POLA1: variants seen among roughly 807,000 people sequenced by gnomAD.
POLA1 encodes DNA polymerase alpha 1, catalytic subunit.
Under a neutral mutation model 124.0 loss-of-function variants are expected in POLA1, and 15 were observed. That is an observed-to-expected ratio of 0.12 (90% CI 0.08 to 0.19). The LOEUF is 0.19. Among genes scored for constraint, POLA1 ranks in the 10% least tolerant of loss-of-function variants. POLA1 has a pLI of 1.00. For missense variants in POLA1, 886 were observed against 1,103.4 expected, an observed-to-expected ratio of 0.80 and a Z score of 2.79; for synonymous variants, 408 against 389.4, an observed-to-expected ratio of 1.05 and a Z score of -0.56.
At chrX:24,710,109 G>C (rs1399153490) in intron 4 of POLA1, among the ~76,000 whole-genome samples, 1 of 76,991 alleles carries the variant, frequency 1.3e-5, no homozygotes, top group Non-Finnish European at 2.6e-5. Context: ...GGCGGCGCTC[G>C]CCGGCGCCTT....
intron 36 of POLA1, among the ~76,000 whole-genome samples, chrX:24,964,492 C>T (rs2048201552): frequency 8.9e-6 from 1 of 112,777 alleles, no homozygotes; most frequent in African/African-American, 3.2e-5. Context: ...TACTGCCTTG[C>T]GCAGAGCACA....
chrX:24,976,119 T>G (rs1005091058), intron 36 of POLA1, among the ~76,000 whole-genome samples: 27 of 112,351 alleles, frequency 2.4e-4, no homozygotes, highest in Non-Finnish European at 4.7e-4. Context: ...TTTATTTGTT[T>G]TACCTATTTA....
intron 34 of POLA1, among the ~76,000 whole-genome samples, chrX:24,873,322 A>G (rs758246349): frequency 8.9e-6 from 1 of 112,024 alleles, no homozygotes; most frequent in Non-Finnish European, 1.9e-5. Context: ...AAGATTGTAA[A>G]TGAACATACC....
At chrX:24,717,225 G>T in intron 8 of POLA1, 65 bp from the exon 9 acceptor site, 3 of 924,508 alleles carry the variant, frequency 3.2e-6, no homozygotes, top group Non-Finnish European at 4.6e-6. Flanking sequence ...GCGCCTTTGT[G>T]TGCCTTTGTG....
At chrX:24,861,757 G>A (rs374112029) in intron 34 of POLA1, among the ~76,000 whole-genome samples, 5 of 112,144 alleles carry the variant, frequency 4.5e-5, no homozygotes, top group African/African-American at 6.5e-5. Flanking sequence ...ATGTCTAACC[G>A]TTACCTAACC....
At chrX:24,951,343 A>ACCCCCCCC (rs57038936) in intron 36 of POLA1, among the ~76,000 whole-genome samples, 12 of 40,938 alleles carry the variant, frequency 2.9e-4, no homozygotes, top group Non-Finnish European at 5.1e-4. Context: ...ACACCTCCCT[A>ACCCCCCCC]CCCCCCCCCC....
At chrX:24,842,324 A>G (rs1436844937) in intron 33 of POLA1, among the ~76,000 whole-genome samples, 2 of 111,634 alleles carry the variant, frequency 1.8e-5, no homozygotes, top group Non-Finnish European at 3.8e-5. Context: ...TTAGACATTT[A>G]AAAAGTCACA....
intron 35 of POLA1, among the ~76,000 whole-genome samples, chrX:24,908,621 A>T (rs1391926538): frequency 3.6e-5 from 4 of 110,453 alleles, no homozygotes; most frequent in Non-Finnish European, 7.6e-5. Context: ...ACATTTGTTA[A>T]TCCAGTCTAT....
chrX:24,966,736 C>A (rs1335648287), intron 36 of POLA1, among the ~76,000 whole-genome samples: 1 of 111,674 alleles, frequency 9.0e-6, no homozygotes, highest in African/African-American at 3.3e-5. Context: ...AGATTGGCAG[C>A]TTTAATTTGT....
rs952844198 is a variant in POLA1 at position 24,703,525 on chromosome X, A to G, written c.265+178A>G. ...TAATTATTTGAGGATGAGGAAGCAGAATAGCAGGACATTTATTTGGGGATA... is the reference window on the plus strand; with the variant it reads ...TAATTATTTGAGGATGAGGAAGCAGGATAGCAGGACATTTATTTGGGGATA... On this transcript the variant is annotated intron_variant, in intron 3 of 36. Coordinates refer to ENST00000379068, the MANE Select transcript of POLA1 (RefSeq NM_001330360.2). Among the ~76,000 whole-genome samples, 5 of 112,449 alleles carry G rather than the reference A, an allele frequency of 4.4e-5. No homozygotes were observed. In the Admixed American group the frequency reaches 4.7e-4, roughly 11 times the overall value.
chrX:24,968,656 T>C (rs1421129766), intron 36 of POLA1, among the ~76,000 whole-genome samples: 2 of 104,302 alleles, frequency 1.9e-5, no homozygotes, highest in Non-Finnish European at 3.9e-5. Context: ...TGAGCGGAGA[T>C]TGGGCCACTG....
chrX:24,877,352 A>G (rs1240718482), intron 34 of POLA1, among the ~76,000 whole-genome samples: 1 of 112,061 alleles, frequency 8.9e-6, no homozygotes, highest in African/African-American at 3.2e-5. Flanking sequence ...TCTCAGCAGT[A>G]TCTGCAGTTT....
At chrX:24,958,763 G>T (rs1331564759) in intron 36 of POLA1, among the ~76,000 whole-genome samples, 5 of 111,931 alleles carry the variant, frequency 4.5e-5, no homozygotes, top group African/African-American at 9.8e-5. Context: ...TTTCCTGACA[G>T]TGTGTTACTT....
At chrX:24,819,029 T>G (rs2046041700) in intron 30 of POLA1, among the ~76,000 whole-genome samples, 1 of 112,377 alleles carries the variant, frequency 8.9e-6, no homozygotes, top group South Asian at 3.7e-4. Flanking sequence ...TGGTATTTTC[T>G]TCGTAATGTG....
intron 30 of POLA1, among the ~76,000 whole-genome samples, chrX:24,819,690 A>G (rs1282428906): frequency 1.8e-5 from 2 of 110,659 alleles, no homozygotes; most frequent in Non-Finnish European, 3.8e-5. Context: ...CTGAACGTGC[A>G]GGTTTGTTAC....
At chrX:24,842,869 A>G (rs2046426684) in intron 33 of POLA1, among the ~76,000 whole-genome samples, 1 of 111,940 alleles carries the variant, frequency 8.9e-6, no homozygotes, top group Admixed American at 9.5e-5. Flanking sequence ...CAGAAATCCC[A>G]ACAGTTTTGC....
chrX:24,718,156 CT>C (rs998289356), intron 10 of POLA1, among the ~76,000 whole-genome samples: 1 of 112,085 alleles, frequency 8.9e-6, no homozygotes, highest in Non-Finnish European at 1.9e-5. Flanking sequence ...ATTAATTTGT[CT>C]GTTTCTTCAG....
chrX:24,742,540 G>T (rs1222094080), intron 22 of POLA1, among the ~76,000 whole-genome samples: 1 of 112,436 alleles, frequency 8.9e-6, no homozygotes, highest in African/African-American at 3.2e-5. Context: ...GGTTTCTGAA[G>T]TAGCCTCCAT....
chrX:24,950,902 A>G (rs1325962289), intron 36 of POLA1, among the ~76,000 whole-genome samples: 2 of 112,097 alleles, frequency 1.8e-5, no homozygotes, highest in Admixed American at 9.5e-5. Context: ...GTTGGAACAG[A>G]GTGACTTTTA....
Sources: allele counts gnomAD v4.1 joint callset (sites outside exome capture counted in the v4.1 genomes callset), GRCh38; gene constraint gnomAD v4.1.1; transcripts MANE v1.5; gene names NCBI Gene and HGNC (gene_info 2026-07-23, HGNC 2026-07-21).